Variants in BTNL2 observed in about 807,000 individuals in gnomAD.
BTNL2 encodes butyrophilin like 2.
A neutral mutation model predicts 46.8 loss-of-function variants in BTNL2; 46 were observed. The observed-to-expected ratio is 0.98, with a 90% CI of 0.78 to 1.26. The LOEUF (loss-of-function observed/expected upper bound fraction) is 1.26, where lower values mean the gene tolerates loss of function less well. BTNL2 is among the 50% of genes most tolerant of loss of function. The probability of loss-of-function intolerance (pLI) is 0.00; values close to 1 mark genes in which losing one functional copy is unlikely to be tolerated. For synonymous variants in BTNL2, 226 were observed against 229.1 expected (o/e 0.99, Z 0.12); for missense variants, 461 against 592.6 (o/e 0.78, Z 2.31).
At position 32,394,099 on chromosome 6, in the gene BTNL2, G is replaced by A. The variant is rs771188712; in HGVS notation, c.1361-42C>T. ...AGAATCCCTTGAAACTGTGAAACTG[G>A]GACAATATTAAGATTGTACTTTTCA... On this transcript the variant is annotated intron_variant, in intron 6 of 7. Coordinates refer to ENST00000454136, the MANE Select transcript of BTNL2 (RefSeq NM_001304561.2). The surrounding 1 kb of genome is among the most constrained non-coding windows in gnomAD (Gnocchi z 4.6). 1 of 1,547,198 alleles carries A rather than the reference G, an allele frequency of 6.5e-7. No individual in the cohort carries two copies. The highest frequency in any genetic ancestry group is 8.7e-7 in the Non-Finnish European group (1 of 1,144,916).
chr6:32,405,427 G>T, intron 1 of BTNL2, 141 bp from the exon 2 acceptor site: 1 of 858,316 alleles, frequency 1.2e-6, no homozygotes, highest in African/African-American at 1.7e-5. Flanking sequence ...AATCCAGCAT[G>T]ATGATTTGCA....
rs776432128 is a variant in BTNL2 at position 32,403,025 on chromosome 6, C to T, written c.619G>A (p.Val207Met). 6.8e-6 allele frequency: 11 copies of T among 1,612,756 alleles called. No individual in the cohort carries two copies. The highest frequency in any genetic ancestry group is 1.1e-5 in the South Asian group (1 of 91,074). ...GACTCTGCAGAGGCGTTCCTGACCA[C>T]CAGGGTGGCTTCCGCATAGAACAGG... The part of the protein sequence containing the change: ...DGLFYAEATL[V>M]VRNASAESVS... The change falls in exon 3 of 8, where the codon GTG becomes ATG. Residue 207 changes from valine to methionine, a missense_variant. Physicochemically the swap from Val to Met is conservative, Grantham distance 21. Coordinates refer to ENST00000454136, the MANE Select transcript of BTNL2 (RefSeq NM_001304561.2).
In BTNL2 at chr6:32,394,836, A is replaced by C. The variant is rs751573328; in HGVS notation, c.1268T>G (p.Leu423Arg). ...SHGLFHVQTL[L>R]RVTNISAVDV... is the part of the protein sequence containing the mutation. ...CACAGCGGAGATGTTTGTGACCCTTAGCAATGTCTGCACGTGGAACAGCCC... is the reference window on the plus strand; with the variant it reads ...CACAGCGGAGATGTTTGTGACCCTTCGCAATGTCTGCACGTGGAACAGCCC... Residue 423 changes from leucine to arginine, a missense_variant, in exon 6 of 8, where the codon CTA becomes CGA. Leu to Arg is a moderately radical substitution (Grantham distance 102). Coordinates refer to ENST00000454136, the MANE Select transcript of BTNL2 (RefSeq NM_001304561.2). The surrounding 1 kb of genome is among the most constrained non-coding windows in gnomAD (Gnocchi z 4.6). The C allele has an allele frequency of 6.2e-7, 1 of 1,614,238 alleles. No homozygotes were observed. The highest frequency in any genetic ancestry group is 8.5e-7 in the Non-Finnish European group (1 of 1,180,042).
chr6:32,393,631 C>T lies in BTNL2; in HGVS notation c.*7-242G>A, dbSNP rs17208727. 22,626 of 182,180 alleles carry T rather than the reference C, an allele frequency of 0.12. 1,665 individuals carry two copies. The highest frequency in any genetic ancestry group is 0.13 in the African/African-American group (5,470 of 42,580). 11.3% of individuals were successfully genotyped at this position (182,180 alleles called of 1,614,324 possible). On this transcript the variant is annotated intron_variant, in intron 7 of 7. Transcript: ENST00000454136. This position sits in a 1 kb window ranked among gnomAD's most constrained non-coding sequence, Gnocchi z 4.8. ...GTTCACGCCAACAAATCTCAGTGAA[C>T]CTCAGCTCTCAGCCTTGAAAACAAG... is the stretch of plus-strand genomic sequence containing the variant.
At chr6:32,402,797 T>C (rs553329309) in intron 3 of BTNL2, 138 bp downstream of exon 3, 6 of 954,552 alleles carry the variant, frequency 6.3e-6, no homozygotes, top group African/African-American at 3.3e-5. Context: ...TTTCCAGTCA[T>C]AAATGTTTTA....
chr6:32,397,150 C>A (rs1776501196), intron 4 of BTNL2, among the ~76,000 whole-genome samples: 1 of 152,180 alleles, frequency 6.6e-6, no homozygotes, highest in African/African-American at 2.4e-5. Context: ...ACAGAGGCAT[C>A]CTGGGGCCAA....
intron 2 of BTNL2, 142 bp downstream of exon 2, chr6:32,404,797 T>C: frequency 1.2e-6 from 1 of 803,954 alleles, no homozygotes; most frequent in South Asian, 1.8e-5. Flanking sequence ...GAACCACTTA[T>C]TTTTAAATCA....
At position 32,393,901 on chromosome 6, in the gene BTNL2, G is replaced by T; in HGVS notation, c.*6+62C>A. On this transcript the variant is annotated intron_variant, in intron 7 of 7. Transcript: ENST00000454136. The surrounding 1 kb of genome is among the most constrained non-coding windows in gnomAD (Gnocchi z 4.8). ...GGTGACTTGTGAAAAGGGAGGCTCG[G>T]GGAAGTACGCAGTACGGTTCCCACT... 6.6e-7 allele frequency: 1 copy of T among 1,520,272 alleles called. No individual in the cohort carries two copies. The highest frequency in any genetic ancestry group is 1.3e-5 in the South Asian group (1 of 79,040). 94.2% of individuals were successfully genotyped at this position (1,520,272 alleles called of 1,614,324 possible).
intron 2 of BTNL2, among the ~76,000 whole-genome samples, chr6:32,404,576 A>G (rs62404574): frequency 0.1 from 15,880 of 152,178 alleles, 964 homozygotes; most frequent in East Asian, 0.2. Flanking sequence ...AGAAAAACCA[A>G]TGCCCTGAGA....
At chr6:32,402,068 C>T (rs1776819257) in intron 3 of BTNL2, among the ~76,000 whole-genome samples, 1 of 151,784 alleles carries the variant, frequency 6.6e-6, no homozygotes, top group Non-Finnish European at 1.5e-5. Flanking sequence ...AGCATAAATA[C>T]TTAGCTATCA....
chr6:32,400,298 C>A (rs9296026), intron 4 of BTNL2, among the ~76,000 whole-genome samples: 2,519 of 152,266 alleles, frequency 0.017, 70 homozygotes, highest in African/African-American at 0.057. Flanking sequence ...TGATTTTCCT[C>A]AAAAACTCTT....
intron 1 of BTNL2, chr6:32,405,567 TGAGATTTG>T: frequency 2.2e-6 from 1 of 449,364 alleles, no homozygotes; most frequent in Non-Finnish European, 4.1e-6. Context: ...GGTAAGATTT[TGAGATTTG>T]AAGTCCTAAT....
At position 32,403,202 on chromosome 6, in the gene BTNL2, G is replaced by C. The variant is rs200373630; in HGVS notation, c.442C>G (p.Pro148Ala). Residue 148 changes from proline (P) to alanine (A), a missense_variant, in exon 3 of 8, where the codon CCT (proline) becomes GCT (alanine). Transcript: ENST00000454136. Reference sequence around the variant, plus strand: ...CCAGGTCCCTCCATGTGGATGCTAGGGGCAGACCCCAGACCTGCAGAGGGA... The same window carrying C: ...CCAGGTCCCTCCATGTGGATGCTAGCGGCAGACCCCAGACCTGCAGAGGGA... The part of the protein sequence containing the change: ...LLKVAGLGSA[P>A]SIHMEGPGES... The C allele has an allele frequency of 2.5e-6, 4 of 1,608,618 alleles. No individual in the cohort carries two copies. The highest frequency in any genetic ancestry group is 3.4e-6 in the Non-Finnish European group (4 of 1,177,952).
intron 5 of BTNL2, 57 bp from the exon 6 acceptor site, chr6:32,395,082 C>G: frequency 6.7e-7 from 1 of 1,491,714 alleles, no homozygotes; most frequent in South Asian, 1.4e-5. Context: ...GAGTGGGCAG[C>G]AATTTCACTG....
chr6:32,398,696 G>T (rs1391997588), intron 4 of BTNL2, among the ~76,000 whole-genome samples: 1 of 152,178 alleles, frequency 6.6e-6, no homozygotes, highest in Non-Finnish European at 1.5e-5. Flanking sequence ...CCTGACATAG[G>T]TAATTAAGAG....
rs1583254142 is a variant in BTNL2 at position 32,396,351 on chromosome 6, G to A, written c.766C>T (p.Leu256Phe). Residue 256 changes from leucine to phenylalanine, a missense_variant, in exon 5 of 8, where the codon CTC (leucine) becomes TTC (phenylalanine). Leu to Phe is a conservative substitution (Grantham distance 22). Coordinates refer to ENST00000454136, the MANE Select transcript of BTNL2 (RefSeq NM_001304561.2). The surrounding 1 kb of genome is among the most constrained non-coding windows in gnomAD (Gnocchi z 4.4). ...TGTATATCTTCTCCCACTCTGACGA[G>A]GATGGGCTGGGAAGGTCCATTCACT... Reference protein sequence around the residue: ...LKVNGPSQPILVRVGEDIQLT... With the variant: ...LKVNGPSQPIFVRVGEDIQLT... The A allele has an allele frequency of 8.7e-6, 14 of 1,612,644 alleles. No individual in the cohort carries two copies. The highest frequency in any genetic ancestry group is 1.1e-5 in the Non-Finnish European group (13 of 1,179,734).
intron 4 of BTNL2, among the ~76,000 whole-genome samples, chr6:32,398,862 T>C (rs1056827804): frequency 2.0e-5 from 3 of 152,220 alleles, no homozygotes; most frequent in African/African-American, 4.8e-5. Flanking sequence ...GCCCTGTTTG[T>C]TAATAATTGA....
Position 32,396,966 on chromosome 6 carries a change from C to A in BTNL2, c.731-580G>T, listed in dbSNP as rs945047911. On this transcript the variant is annotated intron_variant, in intron 4 of 7. Coordinates refer to ENST00000454136, the MANE Select transcript of BTNL2 (RefSeq NM_001304561.2). The surrounding 1 kb of genome is among the most constrained non-coding windows in gnomAD (Gnocchi z 4.4). Reference sequence around the variant, plus strand: ...CTGCACTCCAGGCTGGGTGACAAAGCGAGACTTTAAAAACAAACAAACAAA... The same window carrying A: ...CTGCACTCCAGGCTGGGTGACAAAGAGAGACTTTAAAAACAAACAAACAAA... Among the ~76,000 whole-genome samples, 3 of 150,020 alleles carry A rather than the reference C, an allele frequency of 2.0e-5. No individual in the cohort carries two copies. In the East Asian group the frequency reaches 6.6e-4, roughly 33 times the overall value.
At position 32,400,753 on chromosome 6, in the gene BTNL2, A is replaced by AAAAAAAAAAAAC. The variant is rs1776708524; in HGVS notation, c.730+1031_730+1032insGTTTTTTTTTTT. On this transcript the variant is annotated intron_variant, in intron 4 of 7. Coordinates refer to ENST00000454136, the MANE Select transcript of BTNL2 (RefSeq NM_001304561.2). The stretch of plus-strand genomic sequence containing the variant: ...TGAAACCCCGTCTCTACTAAAAAAA[A>AAAAAAAAAAAAC]AAAAAAAAAATTAGCTGGGTGTGGT... 5.6e-5 allele frequency among the ~76,000 whole-genome samples: 5 copies of AAAAAAAAAAAAC among 89,852 alleles called. No individual in the cohort carries two copies. In the East Asian group the frequency reaches 9.3e-4, roughly 17 times the overall value. 58.9% of individuals were successfully genotyped at this position (89,852 alleles called of 152,430 possible).
Sources: allele counts gnomAD v4.1 joint callset (sites outside exome capture counted in the v4.1 genomes callset), GRCh38; gene constraint gnomAD v4.1.1; non-coding constraint Gnocchi (gnomAD v3.1); transcripts MANE v1.5; gene names NCBI Gene and HGNC (gene_info 2026-07-23, HGNC 2026-07-21).